ASTN2: variants seen among roughly 807,000 people sequenced by gnomAD.
ASTN2 encodes the protein astrotactin 2, also known as astrotactin-2.
ASTN2 carries 54 observed loss-of-function variants against 139.8 expected under a neutral mutation model. That is an observed-to-expected ratio of 0.39 (90% CI 0.31 to 0.48). ASTN2 has a LOEUF of 0.48. Ranked by LOEUF, ASTN2 falls within the 20% of genes least tolerant of loss-of-function variation. The pLI, the probability that ASTN2 is intolerant of heterozygous loss-of-function variation, is 0.95. For synonymous variants in ASTN2, 756 were observed against 719.5 expected (o/e 1.05, Z -0.81); for missense variants, 1,565 against 1,725.1 (o/e 0.91, Z 1.64).
chr9:116,816,823 G>A (rs932162683), intron 12 of ASTN2, among the ~76,000 whole-genome samples: 1 of 151,784 alleles, frequency 6.6e-6, no homozygotes, highest in African/African-American at 2.4e-5. Flanking sequence ...TCCAAGAGAT[G>A]TCAAGATTTC....
intron 6 of ASTN2, among the ~76,000 whole-genome samples, chr9:117,029,806 C>T (rs1588494572): frequency 6.6e-6 from 1 of 151,976 alleles, no homozygotes. Flanking sequence ...GAGGCCAACC[C>T]CCCTAATATT....
intron 10 of ASTN2, among the ~76,000 whole-genome samples, chr9:116,939,204 G>A (rs1425068285): frequency 6.6e-6 from 1 of 152,130 alleles, no homozygotes; most frequent in Non-Finnish European, 1.5e-5. Context: ...GACAGTCATA[G>A]TGCCAACACT....
chr9:116,470,777 A>G (rs573477349), intron 20 of ASTN2, among the ~76,000 whole-genome samples: 1 of 152,344 alleles, frequency 6.6e-6, no homozygotes, highest in Admixed American at 6.5e-5. Context: ...ATAAAGTCCA[A>G]TAAAGCACCC....
At position 116,506,476 on chromosome 9, in the gene ASTN2, C is replaced by A. The variant is rs533537445; in HGVS notation, c.3356-18976G>T. Among the ~76,000 whole-genome samples the A allele has an allele frequency of 2.4e-4, 36 of 150,174 alleles. No homozygotes were observed. In the South Asian group the frequency reaches 6.6e-3, roughly 28 times the overall value. ...GATTTTACCTCTTAGGCGGGAAGCC[C>A]CAGAGATGGAGGAGTAAGAAGGAGT... On this transcript the variant is annotated intron_variant, in intron 19 of 22. Transcript: ENST00000313400.
At chr9:117,233,362 C>A (rs947738209) in intron 2 of ASTN2, among the ~76,000 whole-genome samples, 13 of 152,326 alleles carry the variant, frequency 8.5e-5, no homozygotes, top group Admixed American at 7.8e-4. Flanking sequence ...TCGCTCAATA[C>A]CCCCTTAGCC....
At chr9:117,412,768 T>C (rs761223628) in intron 1 of ASTN2, among the ~76,000 whole-genome samples, 2 of 152,036 alleles carry the variant, frequency 1.3e-5, no homozygotes, top group Non-Finnish European at 1.5e-5. Flanking sequence ...GGAATGGAAG[T>C]GGTAGTGAAG....
chr9:116,665,662 A>C (rs1054579972), intron 16 of ASTN2, among the ~76,000 whole-genome samples: 3 of 152,200 alleles, frequency 2.0e-5, no homozygotes, highest in Non-Finnish European at 2.9e-5. Context: ...TTTTGTTGTA[A>C]CAAAAAACAA....
At chr9:116,525,870 CCA>C (rs1332969201) in intron 19 of ASTN2, among the ~76,000 whole-genome samples, 1 of 152,164 alleles carries the variant, frequency 6.6e-6, no homozygotes, top group African/African-American at 2.4e-5. Flanking sequence ...CATTCCAGAC[CCA>C]CTCTCTCCAC....
chr9:116,510,325 G>A (rs950008270), intron 19 of ASTN2, among the ~76,000 whole-genome samples: 6 of 152,084 alleles, frequency 3.9e-5, no homozygotes, highest in African/African-American at 1.4e-4. Context: ...GTAGATGTGT[G>A]GTATTATTTC....
intron 16 of ASTN2, among the ~76,000 whole-genome samples, chr9:116,682,387 A>G (rs915814963): frequency 2.4e-4 from 36 of 152,348 alleles, no homozygotes; most frequent in Admixed American, 1.7e-3. Flanking sequence ...CAAGTGCTGG[A>G]GAGGATGTGG....
chr9:117,091,940 C>CA (rs1018552563), intron 5 of ASTN2, among the ~76,000 whole-genome samples: 7 of 152,174 alleles, frequency 4.6e-5, no homozygotes, highest in African/African-American at 1.7e-4. Flanking sequence ...AGTTTTAAAG[C>CA]AAAGGATGCA....
At chr9:116,820,000 A>G (rs1344163793) in intron 12 of ASTN2, among the ~76,000 whole-genome samples, 1 of 152,216 alleles carries the variant, frequency 6.6e-6, no homozygotes, top group Non-Finnish European at 1.5e-5. Context: ...AGTTGGTCCC[A>G]ACGTGTTCCC....
chr9:116,857,668 A>G (rs1055086999), intron 11 of ASTN2, among the ~76,000 whole-genome samples: 3 of 152,056 alleles, frequency 2.0e-5, no homozygotes, highest in Admixed American at 2.0e-4. Context: ...GTATCTTTCT[A>G]GGCCTTTGTT....
chr9:117,158,123 T>G (rs1045090482), intron 3 of ASTN2, among the ~76,000 whole-genome samples: 1 of 152,016 alleles, frequency 6.6e-6, no homozygotes, highest in Non-Finnish European at 1.5e-5. Flanking sequence ...AGCCTATAAT[T>G]AAAGTTGTGC....
intron 19 of ASTN2, chr9:116,552,103 C>T (rs56265170): frequency 0.16 from 24,173 of 152,152 alleles, 2,088 homozygotes; most frequent in African/African-American, 0.21. Flanking sequence ...TTGCTTCCTT[C>T]TTCTAGTAGC....
intron 19 of ASTN2, among the ~76,000 whole-genome samples, chr9:116,525,954 T>G (rs1851071850): frequency 6.6e-6 from 1 of 152,128 alleles, no homozygotes; most frequent in Non-Finnish European, 1.5e-5. Context: ...TCCTATGCTA[T>G]TCCCTCAACT....
intron 1 of ASTN2, among the ~76,000 whole-genome samples, chr9:117,314,809 A>G (rs1312471346): frequency 1.4e-5 from 2 of 145,742 alleles, no homozygotes; most frequent in East Asian, 3.9e-4. Context: ...AATATACTAT[A>G]TATTTTATAT....
chr9:117,367,395 C>A lies in ASTN2; in HGVS notation c.442+47102G>T, dbSNP rs181076631. On this transcript the variant is annotated intron_variant, in intron 1 of 22. Coordinates refer to ENST00000313400, the MANE Select transcript of ASTN2 (RefSeq NM_001365068.1). ...GACCTGTGCTCTCATGCTGGCTCTGCCACTTACCAGCTCTGTGACCATTTG... is the reference window on the plus strand; with the variant it reads ...GACCTGTGCTCTCATGCTGGCTCTGACACTTACCAGCTCTGTGACCATTTG... Among the ~76,000 whole-genome samples the A allele has an allele frequency of 8.6e-3, 1,311 of 152,256 alleles. 7 individuals carry two copies. Among genetic ancestry groups the A allele is most frequent in the Non-Finnish European group, 0.016 (1,068 of 68,016 alleles).
intron 12 of ASTN2, among the ~76,000 whole-genome samples, chr9:116,806,332 A>C (rs767227243): frequency 1.6e-4 from 24 of 152,248 alleles, no homozygotes; most frequent in Non-Finnish European, 2.9e-4. Context: ...TCTAACAGCC[A>C]GAAAAGCCCT....
Sources: gnomAD v4.1 joint callset for allele counts (sites outside exome capture counted in the v4.1 genomes callset) on GRCh38, gnomAD v4.1.1 for gene constraint, MANE v1.5 for transcripts, NCBI Gene and HGNC (gene_info 2026-07-23, HGNC 2026-07-21) for gene names.